Variants in NELL2 observed in about 807,000 individuals in gnomAD.
The protein encoded by NELL2 is neural EGFL like 2.
A neutral mutation model predicts 109.6 loss-of-function variants in NELL2; 41 were observed. That is an observed-to-expected ratio of 0.37 (90% CI 0.29 to 0.49). The LOEUF is 0.49. NELL2 is among the 20% of genes least tolerant of loss of function. The probability of loss-of-function intolerance (pLI) is 0.98; values close to 1 mark genes in which losing one functional copy is unlikely to be tolerated. For missense variants in NELL2, 900 were observed against 1,008.3 expected (o/e 0.89, Z 1.45); for synonymous variants, 355 against 344.7 (o/e 1.03, Z -0.33).
At chr12:44,582,707 A>G (rs550662247) in intron 15 of NELL2, among the ~76,000 whole-genome samples, 1 of 152,232 alleles carries the variant, frequency 6.6e-6, no homozygotes, top group East Asian at 1.9e-4. Flanking sequence ...GAAGGAGGTG[A>G]GAAGGTCAAA....
chr12:44,802,212 A>C (rs1325336010), intron 3 of NELL2, among the ~76,000 whole-genome samples: 2 of 152,134 alleles, frequency 1.3e-5, no homozygotes, highest in African/African-American at 4.8e-5. Context: ...GAGGTTGAAA[A>C]GATTCTGTCG....
intron 15 of NELL2, among the ~76,000 whole-genome samples, chr12:44,580,726 A>G (rs1033942138): frequency 9.2e-5 from 14 of 152,090 alleles, no homozygotes; most frequent in African/African-American, 3.1e-4. Context: ...GAAACAAACA[A>G]ACAAAAAACT....
chr12:44,705,946 G>A (rs1233604083), intron 11 of NELL2, among the ~76,000 whole-genome samples: 1 of 151,740 alleles, frequency 6.6e-6, no homozygotes, highest in Non-Finnish European at 1.5e-5. Context: ...CTCCCATCTT[G>A]GACTCTGCCC....
intron 13 of NELL2, among the ~76,000 whole-genome samples, chr12:44,614,517 G>A (rs1945748616): frequency 6.6e-6 from 1 of 151,874 alleles, no homozygotes. Context: ...TACTAGTGAT[G>A]AGGCACAATA....
At chr12:44,725,229 C>T (rs1939010036) in intron 9 of NELL2, among the ~76,000 whole-genome samples, 1 of 152,120 alleles carries the variant, frequency 6.6e-6, no homozygotes, top group African/African-American at 2.4e-5. Flanking sequence ...ATGAAAAAGA[C>T]ACCAACAAAT....
chr12:44,877,037 T>A (rs1945349388), upstream of NELL2: 1 of 312,060 alleles, frequency 3.2e-6, no homozygotes, highest in Non-Finnish European at 5.2e-6. Flanking sequence ...AAATAAAGCG[T>A]GGAGACCCGG....
chr12:44,535,289 A>G (rs533946169), intron 15 of NELL2, among the ~76,000 whole-genome samples: 1 of 152,160 alleles, frequency 6.6e-6, no homozygotes, highest in East Asian at 1.9e-4. Flanking sequence ...TCAAAAAATC[A>G]TAAGTTGAAA....
chr12:44,757,598 T>C (rs1462997560), intron 9 of NELL2, among the ~76,000 whole-genome samples: 4 of 152,140 alleles, frequency 2.6e-5, no homozygotes, highest in Admixed American at 6.6e-5. Flanking sequence ...GATAACACCT[T>C]GTGCTAGTGT....
Position 44,523,470 on chromosome 12 carries a change from C to G in NELL2, c.1819G>C (p.Gly607Arg). 6.2e-7 allele frequency: 1 copy of G among 1,613,530 alleles called. No individual in the cohort carries two copies. The highest frequency in any genetic ancestry group is 8.5e-7 in the Non-Finnish European group (1 of 1,179,962). Residue 607 changes from glycine to arginine, a missense_variant, in exon 17 of 20, where the codon GGG becomes CGG. Gly to Arg is a moderately radical substitution (Grantham distance 125). Coordinates refer to ENST00000429094, the MANE Select transcript of NELL2 (RefSeq NM_001145108.2). ...GESCEDIDEC[G>R]TGRHSCANDT... ...TTGGCACAGCTGTGCCTCCCGGTCCCACACTCATCAATATCTATAGACAAG... is the reference window on the plus strand; with the variant it reads ...TTGGCACAGCTGTGCCTCCCGGTCCGACACTCATCAATATCTATAGACAAG...
At chr12:44,842,249 T>C (rs902081735) in intron 2 of NELL2, among the ~76,000 whole-genome samples, 8 of 152,206 alleles carry the variant, frequency 5.3e-5, no homozygotes, top group African/African-American at 1.7e-4. Flanking sequence ...ACCAGGATAG[T>C]GTGGTATTGG....
chr12:44,530,526 C>T (rs147365939), intron 16 of NELL2, among the ~76,000 whole-genome samples: 1 of 152,240 alleles, frequency 6.6e-6, no homozygotes, highest in East Asian at 1.9e-4. Context: ...TTGTGCAATC[C>T]CCTTCCCTTG....
At chr12:44,640,827 C>T (rs1385480919) in intron 13 of NELL2, among the ~76,000 whole-genome samples, 2 of 152,062 alleles carry the variant, frequency 1.3e-5, no homozygotes, top group African/African-American at 2.4e-5. Context: ...TATTTCCTTC[C>T]GTCATCAAAT....
intron 14 of NELL2, 41 bp from the exon 15 acceptor site, chr12:44,607,305 A>G: frequency 6.5e-7 from 1 of 1,541,050 alleles, no homozygotes; most frequent in East Asian, 2.3e-5. Flanking sequence ...CTTTAGAAGT[A>G]AGTAGTTTAA....
intron 15 of NELL2, among the ~76,000 whole-genome samples, chr12:44,551,986 A>T (rs560382260): frequency 2.3e-4 from 35 of 152,288 alleles, no homozygotes; most frequent in African/African-American, 8.4e-4. Context: ...GCATGTAGGC[A>T]TTCCTAGGTA....
chr12:44,764,469 A>G (rs533803933), intron 9 of NELL2, among the ~76,000 whole-genome samples: 35 of 152,342 alleles, frequency 2.3e-4, no homozygotes, highest in African/African-American at 7.9e-4. Flanking sequence ...AGAAATAACT[A>G]TTATAAAATC....
At chr12:44,734,493 C>CT (rs1566265491) in intron 9 of NELL2, among the ~76,000 whole-genome samples, 1 of 151,566 alleles carries the variant, frequency 6.6e-6, no homozygotes, top group East Asian at 1.9e-4. Context: ...TTTAAATAAA[C>CT]TGTCTTATTT....
intron 2 of NELL2, among the ~76,000 whole-genome samples, chr12:44,823,447 AT>A (rs1943606900): frequency 6.6e-6 from 1 of 152,070 alleles, no homozygotes; most frequent in Non-Finnish European, 1.5e-5. Flanking sequence ...GCTTCTATGA[AT>A]TCAATGTTTT....
chr12:44,740,836 C>T (rs1939916153), intron 9 of NELL2, among the ~76,000 whole-genome samples: 1 of 152,150 alleles, frequency 6.6e-6, no homozygotes, highest in East Asian at 1.9e-4. Context: ...ACACCAGAAG[C>T]ACAGCATATG....
chr12:44,591,456 G>C (rs568709397), intron 15 of NELL2, among the ~76,000 whole-genome samples: 1 of 138,314 alleles, frequency 7.2e-6, no homozygotes, highest in East Asian at 2.2e-4. Flanking sequence ...TAAAAAGGAA[G>C]AAATTGTGTC....
Sources: gnomAD v4.1 joint callset for allele counts (sites outside exome capture counted in the v4.1 genomes callset) on GRCh38, gnomAD v4.1.1 for gene constraint, MANE v1.5 for transcripts, NCBI Gene and HGNC (gene_info 2026-07-23, HGNC 2026-07-21) for gene names.